Variants in CYLD observed in about 807,000 individuals in gnomAD.
CYLD encodes the protein CYLD lysine 63 deubiquitinase.
A neutral mutation model predicts 104.5 loss-of-function variants in CYLD; 26 were observed. The ratio of observed to expected loss-of-function variants is 0.25; its 90% CI spans 0.18 to 0.35. CYLD has a LOEUF of 0.35. Among genes scored for constraint, CYLD ranks in the 10% least tolerant of loss-of-function variants. The probability of loss-of-function intolerance (pLI) is 1.00; values close to 1 mark genes in which losing one functional copy is unlikely to be tolerated. For synonymous variants in CYLD, 385 were observed against 399.9 expected, an observed-to-expected ratio of 0.96 and a Z score of 0.45; for missense variants, 703 against 1,136.1, an observed-to-expected ratio of 0.62 and a Z score of 5.48.
chr16:50,751,051 T>C (rs1422616802), intron 3 of CYLD, among the ~76,000 whole-genome samples: 1 of 152,230 alleles, frequency 6.6e-6, no homozygotes, highest in Admixed American at 6.5e-5. Flanking sequence ...TCTTTGCTTC[T>C]TGATTTAATT....
chr16:50,797,503 A>G lies in CYLD; in HGVS notation c.*995A>G, dbSNP rs1460664254. The G allele has an allele frequency of 8.6e-6, 2 of 232,418 alleles. No individual in the cohort carries two copies. Among genetic ancestry groups the G allele is most frequent in the Non-Finnish European group, 1.7e-5 (2 of 117,544 alleles). 14.4% of individuals were successfully genotyped at this position (232,418 alleles called of 1,614,324 possible). A position where few individuals can be genotyped will look rare whatever the true frequency, so the allele number is the denominator to read the frequency against. ...GTGTAGTTTCACTTGATAGAATCAG[A>G]TATGTTATCGAAATGTTAGCAGCAG... On this transcript the variant is annotated 3_prime_UTR_variant, in exon 19 of 19. Coordinates refer to ENST00000427738, the MANE Select transcript of CYLD (RefSeq NM_001378743.1).
At chr16:50,758,761 C>G (rs998644345) in intron 5 of CYLD, among the ~76,000 whole-genome samples, 43 of 152,066 alleles carry the variant, frequency 2.8e-4, no homozygotes, top group African/African-American at 1.0e-3. Flanking sequence ...GCAATTTACC[C>G]AGGTGGGAAA....
chr16:50,793,735 C>A, intron 17 of CYLD, 71 bp downstream of exon 17: 1 of 1,030,788 alleles, frequency 9.7e-7, no homozygotes, highest in Non-Finnish European at 1.5e-6. Context: ...AAACACAATG[C>A]TCGTTTTGGA....
Position 50,792,496 on chromosome 16 carries a change from A to G in CYLD, c.2242-101A>G, listed in dbSNP as rs1971528004. On this transcript the variant is annotated intron_variant, in intron 15 of 18. Coordinates refer to ENST00000427738, the MANE Select transcript of CYLD (RefSeq NM_001378743.1). Reference sequence around the variant, plus strand: ...CCTGTTTCATAGGACACCAATATTAAGGCAGAACTGTTTTGTTTGACAGCC... The same window carrying G: ...CCTGTTTCATAGGACACCAATATTAGGGCAGAACTGTTTTGTTTGACAGCC... 3.9e-6 allele frequency: 3 copies of G among 776,378 alleles called. No homozygotes were observed. In the South Asian group the frequency reaches 4.6e-5, roughly 12 times the overall value. 48.1% of individuals were successfully genotyped at this position (776,378 alleles called of 1,614,324 possible). A position where few individuals can be genotyped will look rare whatever the true frequency, so the allele number is the denominator to read the frequency against.
At chr16:50,748,514 C>T (rs1197953935) in intron 2 of CYLD, among the ~76,000 whole-genome samples, 1 of 151,266 alleles carries the variant, frequency 6.6e-6, no homozygotes, top group Non-Finnish European at 1.5e-5. Context: ...CACCAATGTA[C>T]CCAAGCCTGG....
At chr16:50,762,087 A>C (rs934337419) in intron 5 of CYLD, among the ~76,000 whole-genome samples, 2 of 152,156 alleles carry the variant, frequency 1.3e-5, no homozygotes, top group African/African-American at 4.8e-5. Flanking sequence ...CATTGTGGTG[A>C]GGTCAGGGCC....
intron 11 of CYLD, 47 bp from the exon 12 acceptor site, chr16:50,784,281 GA>G (rs1795249556): frequency 6.3e-7 from 1 of 1,597,506 alleles, no homozygotes; most frequent in South Asian, 1.1e-5. Context: ...TCTGTTTCTT[GA>G]AAAATATGTT....
At chr16:50,743,051 A>G (rs1965859855) in intron 2 of CYLD, among the ~76,000 whole-genome samples, 1 of 151,990 alleles carries the variant, frequency 6.6e-6, no homozygotes, top group Admixed American at 6.6e-5. Context: ...TCTTCCAGCC[A>G]CCAAGCCTGT....
intron 18 of CYLD, chr16:50,795,450 C>G: frequency 1.5e-6 from 1 of 672,836 alleles, no homozygotes; most frequent in South Asian, 1.6e-5. Flanking sequence ...AGCCCTGCCT[C>G]TACCTATAAG....
At chr16:50,765,128 G>A (rs1175898835) in intron 5 of CYLD, among the ~76,000 whole-genome samples, 2 of 152,020 alleles carry the variant, frequency 1.3e-5, no homozygotes, top group African/African-American at 4.8e-5. Context: ...TCTTTATTGT[G>A]CTTCACAGAT....
intron 8 of CYLD, among the ~76,000 whole-genome samples, chr16:50,778,798 G>A (rs146578975): frequency 1.3e-5 from 2 of 152,260 alleles, no homozygotes; most frequent in South Asian, 2.1e-4. Context: ...TTGTTTTTAA[G>A]GCACCTGGAG....
At chr16:50,745,446 C>A (rs1966110293) in intron 2 of CYLD, among the ~76,000 whole-genome samples, 1 of 134,210 alleles carries the variant, frequency 7.5e-6, no homozygotes, top group Non-Finnish European at 1.5e-5. Flanking sequence ...TAGCTCTCTT[C>A]AGCCTGGACC....
intron 7 of CYLD, among the ~76,000 whole-genome samples, chr16:50,777,050 A>G (rs1567444119): frequency 6.6e-6 from 1 of 152,210 alleles, no homozygotes; most frequent in South Asian, 2.1e-4. Context: ...TCTCACTTAA[A>G]TAGAAACAGA....
chr16:50,765,551 T>C (rs1279067154), intron 5 of CYLD, among the ~76,000 whole-genome samples: 1 of 152,134 alleles, frequency 6.6e-6, no homozygotes, highest in Non-Finnish European at 1.5e-5. Flanking sequence ...GAGTTGCATA[T>C]CTCTCACTTT....
chr16:50,745,362 G>GTTTTTTTTTTTTTT (rs535675323), intron 2 of CYLD, among the ~76,000 whole-genome samples: 3 of 78,752 alleles, frequency 3.8e-5, no homozygotes, highest in Admixed American at 1.7e-4. Context: ...TTTCCTCTTT[G>GTTTTTTTTTTTTTT]TTTTTTTTTT....
chr16:50,749,353 CATTA>C (rs1484716797), intron 2 of CYLD, among the ~76,000 whole-genome samples: 6 of 152,180 alleles, frequency 3.9e-5, no homozygotes, highest in Non-Finnish European at 8.8e-5. Flanking sequence ...AATTGGATTT[CATTA>C]ATTAAATATG....
rs982058157 is a variant in CYLD at position 50,742,822 on chromosome 16, G to A, written c.-143G>A. ...GCCACCCGGAGTTCCTTAGTTGAAA[G>A]GTGCGCCCTGCTGTGACAGGTATTC... On this transcript the variant is annotated 5_prime_UTR_variant, in exon 2 of 19. Coordinates refer to ENST00000427738, the MANE Select transcript of CYLD (RefSeq NM_001378743.1). 2 of 397,882 alleles carry A rather than the reference G, an allele frequency of 5.0e-6. No homozygotes were observed. The highest frequency in any genetic ancestry group is 2.1e-5 in the African/African-American group (1 of 48,366). The allele number at this position is 397,882 out of a possible 1,614,324, so 24.6% of individuals were successfully genotyped here.
chr16:50,760,599 C>T (rs1448274693), intron 5 of CYLD, among the ~76,000 whole-genome samples: 1 of 152,064 alleles, frequency 6.6e-6, no homozygotes, highest in East Asian at 1.9e-4. Flanking sequence ...TATGTTAGAA[C>T]TCTTTGTATA....
intron 5 of CYLD, among the ~76,000 whole-genome samples, chr16:50,766,611 A>T (rs916145031): frequency 6.6e-6 from 1 of 152,210 alleles, no homozygotes; most frequent in Non-Finnish European, 1.5e-5. Flanking sequence ...TCTGAAAAGG[A>T]TTCACCATTC....
Sources: allele counts gnomAD v4.1 joint callset (sites outside exome capture counted in the v4.1 genomes callset), GRCh38; gene constraint gnomAD v4.1.1; transcripts MANE v1.5; gene names NCBI Gene and HGNC (gene_info 2026-07-23, HGNC 2026-07-21).